Variants in PFKFB3 observed in about 807,000 individuals in gnomAD.
The protein encoded by PFKFB3 is 6-phosphofructo-2-kinase/fructose-2,6-biphosphatase 3, also known as 6-phosphofructo-2-kinase/fructose-2,6-bisphosphatase 3.
A neutral mutation model predicts 68.0 loss-of-function variants in PFKFB3; 33 were observed. That is an observed-to-expected ratio of 0.49 (90% CI 0.37 to 0.65). The LOEUF is 0.65. Ranked by LOEUF, PFKFB3 falls within the 30% of genes least tolerant of loss-of-function variation. PFKFB3 has a pLI of 0.00. For synonymous variants in PFKFB3, 315 were observed against 288.2 expected (o/e 1.09, Z -0.94); for missense variants, 586 against 712.2 (o/e 0.82, Z 2.02).
At chr10:6,172,252 C>G (rs1842338149) in intron 1 of PFKFB3, among the ~76,000 whole-genome samples, 1 of 152,160 alleles carries the variant, frequency 6.6e-6, no homozygotes, top group Non-Finnish European at 1.5e-5. Flanking sequence ...TGTGGTGCAG[C>G]CTGAGAGAAG....
chr10:6,310,359 C>T, the PFKFB3 span, among the ~76,000 whole-genome samples: 18 of 152,074 alleles, frequency 1.2e-4, no homozygotes, highest in Non-Finnish European at 1.5e-4. Context: ...GGTTTTATCT[C>T]AGCCAAGGTG....
At chr10:6,148,946 G>A (rs544245557) in intron 1 of PFKFB3, among the ~76,000 whole-genome samples, 122 of 152,240 alleles carry the variant, frequency 8.0e-4, no homozygotes, top group African/African-American at 2.9e-3. Flanking sequence ...GGGGGTGGTG[G>A]CGTGAACTTG....
intron 1 of PFKFB3, among the ~76,000 whole-genome samples, chr10:6,147,175 G>A (rs1021530887): frequency 2.0e-5 from 3 of 152,352 alleles, no homozygotes; most frequent in Admixed American, 6.5e-5. Flanking sequence ...TCCTGTGAGG[G>A]ACAGCACGGC....
chr10:6,216,840 A>C, intron 5 of PFKFB3, 60 bp downstream of exon 5: 1 of 1,217,150 alleles, frequency 8.2e-7, no homozygotes, highest in Non-Finnish European at 1.2e-6. Flanking sequence ...GGCTTCAGGA[A>C]GCGGCCTGAG....
chr10:6,216,139 C>G lies in PFKFB3; in HGVS notation c.314C>G (p.Ala105Gly), dbSNP rs760834564. ...AMKVRKQCAL[A>G]ALRDVKSYLA... ...GTGCATTCCAGGCAATGTGCCTTAG[C>G]TGCCTTGAGAGATGTCAAAAGCTAC... is the stretch of plus-strand genomic sequence containing the variant. Residue 105 changes from alanine (A) to glycine (G), a missense_variant, in exon 4 of 15, where the codon GCT becomes GGT. By Grantham distance (60) the Ala-to-Gly change is moderately conservative. Coordinates refer to ENST00000379775, the MANE Select transcript of PFKFB3 (RefSeq NM_004566.4). 1.2e-6 allele frequency: 2 copies of G among 1,614,142 alleles called. No individual in the cohort carries two copies. The highest frequency in any genetic ancestry group is 1.7e-5 in the Admixed American group (1 of 60,036).
chr10:6,178,632 G>C (rs761911977), intron 1 of PFKFB3, among the ~76,000 whole-genome samples: 1 of 152,192 alleles, frequency 6.6e-6, no homozygotes, highest in Non-Finnish European at 1.5e-5. Context: ...GCCCTGGGCC[G>C]TGGAGATGAC....
chr10:6,237,048 T>C (rs192906640), downstream of PFKFB3, among the ~76,000 whole-genome samples: 2 of 152,318 alleles, frequency 1.3e-5, no homozygotes, highest in East Asian at 3.9e-4. Context: ...CTGCAGGTCT[T>C]CGAACTTGCC....
At chr10:6,244,409 C>T (rs1262154280) in intron 14 of PFKFB3, among the ~76,000 whole-genome samples, 1 of 152,176 alleles carries the variant, frequency 6.6e-6, no homozygotes, top group African/African-American at 2.4e-5. Flanking sequence ...GGACCATGGT[C>T]TTTCTGGACC....
At chr10:6,247,958 G>A (rs1786181373) in intron 14 of PFKFB3, among the ~76,000 whole-genome samples, 1 of 152,210 alleles carries the variant, frequency 6.6e-6, no homozygotes, top group African/African-American at 2.4e-5. Flanking sequence ...TAGGAGGTTA[G>A]AATATTTGCC....
At chr10:6,253,827 A>G (rs927032837) in intron 14 of PFKFB3, among the ~76,000 whole-genome samples, 5 of 152,086 alleles carry the variant, frequency 3.3e-5, no homozygotes, top group Non-Finnish European at 5.9e-5. Flanking sequence ...AGATCAGTTG[A>G]GGTCAGGAGT....
intron 1 of PFKFB3, among the ~76,000 whole-genome samples, chr10:6,169,286 G>A (rs1842233611): frequency 6.6e-6 from 1 of 152,204 alleles, no homozygotes; most frequent in Admixed American, 6.5e-5. Context: ...GGTGGCAGGT[G>A]CACCTACCTG....
At chr10:6,153,184 G>T (rs201124076) in intron 1 of PFKFB3, among the ~76,000 whole-genome samples, 1 of 14,986 alleles carries the variant, frequency 6.7e-5, no homozygotes, top group African/African-American at 1.5e-4. Flanking sequence ...AAAAAAGAAA[G>T]AAAGAAAGAA....
At chr10:6,205,538 G>A (rs889701014) in intron 1 of PFKFB3, among the ~76,000 whole-genome samples, 1 of 151,758 alleles carries the variant, frequency 6.6e-6, no homozygotes, top group Non-Finnish European at 1.5e-5. Context: ...GATTACAGGC[G>A]CACGCCGCCA....
At chr10:6,285,950 A>G in the PFKFB3 span, among the ~76,000 whole-genome samples, 1 of 141,314 alleles carries the variant, frequency 7.1e-6, no homozygotes, top group Non-Finnish European at 1.5e-5. Context: ...AAATCCATTC[A>G]TCTGTTGACC....
intron 1 of PFKFB3, among the ~76,000 whole-genome samples, chr10:6,189,127 CCG>C (rs1483104528): frequency 1.3e-5 from 2 of 152,198 alleles, no homozygotes; most frequent in Admixed American, 1.3e-4. Flanking sequence ...GCGTGAGCCA[CCG>C]CACCTGGCGA....
chr10:6,232,924 C>T lies in PFKFB3; in HGVS notation c.1545C>T (p.Asp515=). 3 of 1,613,280 alleles carry T rather than the reference C, an allele frequency of 1.9e-6. No homozygotes were observed. Among genetic ancestry groups the T allele is most frequent in the South Asian group, 1.1e-5 (1 of 91,062 alleles). Residue 515 remains aspartate, a synonymous_variant, in exon 15 of 15, where the codon GAC becomes GAT. Transcript: ENST00000379775. ...QNMKGSRSSA[D]SSRKH is the part of the protein sequence containing the mutation. ...TGAAAGGCTCCCGGAGCAGCGCTGA[C>T]TCCTCCAGGAAACACTGAGGCAGAC...
In PFKFB3 at chr10:6,224,102, T is replaced by TG. The variant is rs952752472; in HGVS notation, c.1277-46dup. 2.5e-6 allele frequency: 4 copies of TG among 1,612,578 alleles called. No homozygotes were observed. In the South Asian group the frequency reaches 3.3e-5, roughly 13 times the overall value. The stretch of plus-strand genomic sequence containing the variant: ...TGTGGCCGTGGGCTGTAAGCGGTGC[T>TG]GTCCCTTTAACAGCAGCTTCCTCTG... On this transcript the variant is annotated intron_variant, in intron 12 of 14. Transcript: ENST00000379775.
chr10:6,172,793 G>A (rs1842352338), intron 1 of PFKFB3, among the ~76,000 whole-genome samples: 1 of 151,316 alleles, frequency 6.6e-6, no homozygotes, highest in Admixed American at 6.6e-5. Context: ...CTGCACTCCA[G>A]CCTGGGCCAC....
chr10:6,288,670 G>T, the PFKFB3 span, among the ~76,000 whole-genome samples: 1,423 of 151,912 alleles, frequency 9.4e-3, 27 homozygotes, highest in African/African-American at 0.032. Flanking sequence ...ACATACGTGT[G>T]CATGTGTCTT....
Sources: gnomAD v4.1 joint callset for allele counts (sites outside exome capture counted in the v4.1 genomes callset) on GRCh38, gnomAD v4.1.1 for gene constraint, MANE v1.5 for transcripts, NCBI Gene and HGNC (gene_info 2026-07-23, HGNC 2026-07-21) for gene names.